Variants in PLIN4 observed in about 807,000 individuals in gnomAD.
The protein encoded by PLIN4 is perilipin-4.
A neutral mutation model predicts 52.4 loss-of-function variants in PLIN4; 57 were observed. The ratio of observed to expected loss-of-function variants is 1.09; its 90% CI spans 0.88 to 1.36. The LOEUF (loss-of-function observed/expected upper bound fraction) is 1.36. Ranked by LOEUF, PLIN4 falls within the 40% of genes most tolerant of loss-of-function variation. PLIN4 has a pLI of 0.00. For synonymous variants in PLIN4, 826 were observed against 785.4 expected (o/e 1.05, Z -0.86); for missense variants, 1,757 against 1,770.3 (o/e 0.99, Z 0.13).
Position 4,513,359 on chromosome 19 carries a change from T to G in PLIN4, c.601A>C (p.Thr201Pro). The part of the protein sequence containing the change: ...VDTTKTVLTG[T>P]KDTVTTGVMG... ...ACCCCAGTAGTCACTGTGTCTTTGG[T>G]GCCGGTCAGCACAGTCTTGGTGGTG... The change falls in exon 5 of 8, where the codon ACC (threonine) becomes CCC (proline). Residue 201 changes from threonine to proline, a missense_variant. Physicochemically the swap from Thr to Pro is conservative, Grantham distance 38. This residue lies in a region of PLIN4 where 332 missense variants were observed against 310.8 expected (regional missense o/e 1.07). Coordinates refer to ENST00000301286, the MANE Select transcript of PLIN4 (RefSeq NM_001367868.2). 1 of 1,613,616 alleles carries G rather than the reference T, an allele frequency of 6.2e-7. No homozygotes were observed. Among genetic ancestry groups the G allele is most frequent in the Non-Finnish European group, 8.5e-7 (1 of 1,179,864 alleles).
chr19:4,507,873 A>G (rs1976142738), intron 6 of PLIN4, among the ~76,000 whole-genome samples: 1 of 152,102 alleles, frequency 6.6e-6, no homozygotes, highest in South Asian at 2.1e-4. Flanking sequence ...TCCGGCCCCA[A>G]CGTCCACATT....
At chr19:4,508,486 C>G (rs1418125138) in intron 6 of PLIN4, among the ~76,000 whole-genome samples, 1 of 152,154 alleles carries the variant, frequency 6.6e-6, no homozygotes, top group Non-Finnish European at 1.5e-5. Context: ...AGGCTGGTCT[C>G]GAACTCCTGA....
Position 4,508,855 on chromosome 19 carries a change from C to T in PLIN4, c.3615G>A (p.Arg1205=). ...GGTGGCTCACCGCGTGTTCAAATGC[C>T]CGCTGGCGGAAGCTGGGACCCAGGT... ...LGDLGPSFRQ[R]AFEHAVSHLQ... Residue 1205 remains arginine, a synonymous_variant, in exon 6 of 8, where the codon CGG becomes CGA. Transcript: ENST00000301286. 1 of 1,611,820 alleles carries T rather than the reference C, an allele frequency of 6.2e-7. No homozygotes were observed. The highest frequency in any genetic ancestry group is 1.1e-5 in the South Asian group (1 of 90,678).
In PLIN4 at chr19:4,513,379, G is replaced by T. The variant is rs756286934; in HGVS notation, c.581C>A (p.Thr194Asn). ...TTTGGTGCCGGTCAGCACAGTCTTG[G>T]TGGTGTCCACACCGGCCTGTACGGT... is the stretch of plus-strand genomic sequence containing the variant. ...KGTVQAGVDT[T>N]KTVLTGTKDT... Residue 194 changes from threonine (T) to asparagine (N), a missense_variant, in exon 5 of 8, where the codon ACC becomes AAC. Around this residue, in one of 7 missense-constraint regions of PLIN4, gnomAD observed 332 missense variants for 310.8 expected, o/e 1.07. Transcript: ENST00000301286. The T allele has an allele frequency of 6.2e-7, 1 of 1,607,138 alleles. No homozygotes were observed. Among genetic ancestry groups the T allele is most frequent in the African/African-American group, 1.4e-5 (1 of 73,174 alleles).
In PLIN4 at chr19:4,510,887, C is replaced by T. The variant is rs370647633; in HGVS notation, c.3073G>A (p.Gly1025Arg). 4.3e-5 allele frequency: 69 copies of T among 1,613,662 alleles called. No homozygotes were observed. Among genetic ancestry groups the T allele is most frequent in the East Asian group, 4.2e-4 (19 of 44,886 alleles). The change falls in exon 5 of 8, where the codon GGA becomes AGA. Residue 1025 changes from glycine to arginine, a missense_variant. Transcript: ENST00000301286. ...GLDTTKTVLT[G>R]TKDAVSAGLM... ...CCAGCGGACACTGCGTCTTTGGTTC[C>T]GGTCAGCACTGTCTTGGTGGTGTCC... is the stretch of plus-strand genomic sequence containing the variant.
At position 4,512,458 on chromosome 19, in the gene PLIN4, G is replaced by C; in HGVS notation, c.1502C>G (p.Ala501Gly). The change falls in exon 5 of 8, where the codon GCT becomes GGT. Residue 501 changes from alanine to glycine, a missense_variant. Coordinates refer to ENST00000301286, the MANE Select transcript of PLIN4 (RefSeq NM_001367868.2). ...TKSVLTGTKD[A>G]VSTGLTGAVN... ...AGCCCCTGTGAGCCCAGTGGACACA[G>C]CATCTTTAGTGCCAGTCAGGACAGA... 3 of 1,610,750 alleles carry C rather than the reference G, an allele frequency of 1.9e-6. No homozygotes were observed. Among genetic ancestry groups the C allele is most frequent in the Non-Finnish European group, 2.5e-6 (3 of 1,178,890 alleles).
Position 4,517,534 on chromosome 19 carries a change from C to G in PLIN4, c.196+20G>C. The stretch of plus-strand genomic sequence containing the variant: ...CATGTGTAGAGTCCCCCCACGCCCC[C>G]AGCTGGGCCAGCCACTCACCCTGAG... On this transcript the variant is annotated intron_variant, in intron 3 of 7. Transcript: ENST00000301286. 6.3e-7 allele frequency: 1 copy of G among 1,597,506 alleles called. No homozygotes were observed. Among genetic ancestry groups the G allele is most frequent in the South Asian group, 1.1e-5 (1 of 89,752 alleles).
intron 5 of PLIN4, 147 bp from the exon 6 acceptor site, chr19:4,509,102 G>A (rs890739666): frequency 4.3e-6 from 3 of 692,746 alleles, no homozygotes; most frequent in African/African-American, 3.6e-5. Context: ...GAGGTCAGGA[G>A]ATCGAGACCA....
At chr19:4,508,640 A>G in intron 6 of PLIN4, 128 bp downstream of exon 6, 1 of 1,077,370 alleles carries the variant, frequency 9.3e-7, no homozygotes, top group Non-Finnish European at 1.3e-6. Context: ...GTACAGAGCC[A>G]TGACCATTGG....
chr19:4,517,452 T>G, intron 3 of PLIN4, 102 bp downstream of exon 3: 1 of 1,401,288 alleles, frequency 7.1e-7, no homozygotes, highest in Non-Finnish European at 9.6e-7. Flanking sequence ...CAGACAAATA[T>G]GGAGGACTCC....
chr19:4,510,594 C>T lies in PLIN4; in HGVS notation c.3366G>A (p.Thr1122=), dbSNP rs370815444. ...TTKGLATDVA[T]FTQGAAPGRE... is the part of the protein sequence containing the mutation. ...TGCCTGGGGCGGCCCCTTGGGTGAA[C>T]GTCGCCACGTCAGTCGCAAGGCCCT... The change falls in exon 5 of 8, where the codon ACG becomes ACA. Residue 1122 remains threonine (T), a synonymous_variant. Coordinates refer to ENST00000301286, the MANE Select transcript of PLIN4 (RefSeq NM_001367868.2). 2.4e-5 allele frequency: 36 copies of T among 1,500,810 alleles called. No individual in the cohort carries two copies. In the East Asian group the frequency reaches 3.7e-4, roughly 15 times the overall value. The allele number at this position is 1,500,810 out of a possible 1,614,324, so 93.0% of individuals were successfully genotyped here.
chr19:4,513,880 T>C (rs967848013), intron 4 of PLIN4, among the ~76,000 whole-genome samples, 179 bp from the exon 5 acceptor site: 1 of 152,154 alleles, frequency 6.6e-6, no homozygotes, highest in African/African-American at 2.4e-5. Flanking sequence ...AGCCAGACAT[T>C]CATCGGGCTG....
rs910668920 is a variant in PLIN4, at chr19:4,504,373, G to A, written c.*86C>T. 7.6e-7 allele frequency: 1 copy of A among 1,317,956 alleles called. No individual in the cohort carries two copies. The highest frequency in any genetic ancestry group is 1.5e-5 in the African/African-American group (1 of 67,654). 81.6% of individuals were successfully genotyped at this position (1,317,956 alleles called of 1,614,324 possible). On this transcript the variant is annotated 3_prime_UTR_variant, in exon 8 of 8. Coordinates refer to ENST00000301286, the MANE Select transcript of PLIN4 (RefSeq NM_001367868.2). ...TCTAGGGCTTTAGGGAACCGATCCA[G>A]GTTTGGGGGCGGGGAGAAAGTTCTG...
rs763091255 is a variant in PLIN4 at position 4,513,745 on chromosome 19, G to A, written c.259-44C>T. 8 of 1,528,040 alleles carry A rather than the reference G, an allele frequency of 5.2e-6. No homozygotes were observed. In the Admixed American group the frequency reaches 1.0e-4, roughly 19 times the overall value. The allele number at this position is 1,528,040 out of a possible 1,614,324, so 94.7% of individuals were successfully genotyped here. A position where few individuals can be genotyped will look rare whatever the true frequency, so the allele number is the denominator to read the frequency against. ...GGTGGATCAAGAGAAGGACTGAGAG[G>A]TGTACTCCACCCCGATGTCTGCCAG... On this transcript the variant is annotated intron_variant, in intron 4 of 7. Transcript: ENST00000301286.
Position 4,512,203 on chromosome 19 carries a change from C to A in PLIN4, c.1757G>T (p.Gly586Val), listed in dbSNP as rs1388660470. ...ANVAKGAVQT[G>V]VDTAKTVLTG... ...CAGCACGGTCTTGGCTGTGTCTACA[C>A]CTGTCTGGACAGCCCCCTTGGCCAC... The change falls in exon 5 of 8, where the codon GGT (glycine) becomes GTT (valine). Residue 586 changes from glycine (G) to valine (V), a missense_variant. Physicochemically the swap from Gly to Val is moderately radical, Grantham distance 109 (BLOSUM62 -3). Around this residue, in one of 7 missense-constraint regions of PLIN4, gnomAD observed 439 missense variants for 406.4 expected, o/e 1.08. Transcript: ENST00000301286. 1 of 1,612,988 alleles carries A rather than the reference C, an allele frequency of 6.2e-7. No individual in the cohort carries two copies. Among genetic ancestry groups the A allele is most frequent in the South Asian group, 1.1e-5 (1 of 91,054 alleles).
At chr19:4,513,835 A>C in intron 4 of PLIN4, 134 bp from the exon 5 acceptor site, 9 of 1,141,888 alleles carry the variant, frequency 7.9e-6, no homozygotes, top group South Asian at 1.8e-5. Context: ...CCTCCTCAAA[A>C]AGCAAGCTGC....
chr19:4,510,485 G>A lies in PLIN4; in HGVS notation c.3475C>T (p.Leu1159=). The A allele has an allele frequency of 1.4e-6, 2 of 1,456,704 alleles. No individual in the cohort carries two copies. Among genetic ancestry groups the A allele is most frequent in the Non-Finnish European group, 1.8e-6 (2 of 1,103,164 alleles). 90.2% of individuals were successfully genotyped at this position (1,456,704 alleles called of 1,614,324 possible). ...TTCATGGGGTGGAAGATGTCCCCCAGCCCCTCCAACTCATTCTGCAGCATT... is the reference window on the plus strand; with the variant it reads ...TTCATGGGGTGGAAGATGTCCCCCAACCCCTCCAACTCATTCTGCAGCATT... ...LAMLQNELEG[L]GDIFHPMNAE... is the part of the protein sequence containing the mutation. The change falls in exon 5 of 8, where the codon CTG becomes TTG. Residue 1159 remains leucine (L), a synonymous_variant. Coordinates refer to ENST00000301286, the MANE Select transcript of PLIN4 (RefSeq NM_001367868.2).
intron 2 of PLIN4, 99 bp from the exon 3 acceptor site, chr19:4,517,797 C>T: frequency 7.0e-7 from 1 of 1,434,356 alleles, no homozygotes; most frequent in South Asian, 1.4e-5. Flanking sequence ...CGCCCCGGCC[C>T]CTTGCTCCTG....
In PLIN4 at chr19:4,512,434, G is replaced by GC. The variant is rs1976426517; in HGVS notation, c.1525dup (p.Ala509GlyfsTer255). On this transcript the variant is annotated frameshift_variant, in exon 5 of 8. Transcript: ENST00000301286. LOFTEE classifies it high-confidence loss of function. Reference sequence around the variant, plus strand: ...GACGGTCCCTTTGGCCACGTTCACAGCCCCTGTGAGCCCAGTGGACACAGC... The same window carrying GC: ...GACGGTCCCTTTGGCCACGTTCACAGCCCCCTGTGAGCCCAGTGGACACAGC... The GC allele has an allele frequency of 6.2e-7, 1 of 1,610,870 alleles. No homozygotes were observed. The highest frequency in any genetic ancestry group is 2.2e-5 in the East Asian group (1 of 44,770).
Sources: gnomAD v4.1 joint callset for allele counts (sites outside exome capture counted in the v4.1 genomes callset) on GRCh38, gnomAD v4.1.1 for gene constraint, gnomAD v4.1.1 regional missense constraint, MANE v1.5 for transcripts, NCBI Gene and HGNC (gene_info 2026-07-23, HGNC 2026-07-21) for gene names.